MTTP: variants seen among roughly 807,000 people sequenced by gnomAD.
The protein encoded by MTTP is microsomal triglyceride transfer protein large subunit.
In MTTP, 49 loss-of-function variants were observed where a neutral mutation model predicts 90.6. The observed-to-expected ratio is 0.54, with a 90% CI of 0.43 to 0.69. The LOEUF is 0.69. Among genes scored for constraint, MTTP ranks in the 30% least tolerant of loss-of-function variants. The pLI is 0.00. For synonymous variants in MTTP, 347 were observed against 384.2 expected (o/e 0.90, Z 1.13); for missense variants, 945 against 1,067.5 (o/e 0.89, Z 1.60).
At chr4:99,606,484 A>G (rs1264977345) in intron 10 of MTTP, among the ~76,000 whole-genome samples, 1 of 152,206 alleles carries the variant, frequency 6.6e-6, no homozygotes, top group African/African-American at 2.4e-5. Context: ...ATATATTCAA[A>G]ATGTGTTCAA....
intron 17 of MTTP, among the ~76,000 whole-genome samples, 174 bp from the exon 18 acceptor site, chr4:99,622,503 T>A (rs1726261256): frequency 6.6e-6 from 1 of 152,174 alleles, no homozygotes; most frequent in Non-Finnish European, 1.5e-5. Flanking sequence ...TTTCTGTTGA[T>A]ATAAAAAGAA....
chr4:99,601,901 C>G (rs924439313), intron 10 of MTTP, among the ~76,000 whole-genome samples, 187 bp downstream of exon 10: 6 of 152,106 alleles, frequency 3.9e-5, no homozygotes, highest in Admixed American at 6.6e-5. Flanking sequence ...TTGTATATTT[C>G]TATTTCACTA....
intron 15 of MTTP, among the ~76,000 whole-genome samples, chr4:99,616,094 T>C (rs1374967062): frequency 6.6e-6 from 1 of 152,114 alleles, no homozygotes; most frequent in Non-Finnish European, 1.5e-5. Flanking sequence ...TGAATATTAG[T>C]AGAAAAGTCT....
rs1396865334 is a variant in MTTP at position 99,619,032 on chromosome 4, T to C, written c.2276T>C (p.Ile759Thr). Residue 759 changes from isoleucine to threonine, a missense_variant, in exon 16 of 18, where the codon ATT (isoleucine) becomes ACT (threonine). By Grantham distance (89) the Ile-to-Thr change is moderately conservative. Coordinates refer to ENST00000265517, the MANE Select transcript of MTTP (RefSeq NM_001386140.1). ...ANIEVQGGLA[I>T]DISGAMEFSL... is the part of the protein sequence containing the mutation. ...ATAGAGGTCCAGGGTGGTCTAGCTA[T>C]TGATATTTCAGGTGCAATGGAGTTT... 2 of 1,613,584 alleles carry C rather than the reference T, an allele frequency of 1.2e-6. No individual in the cohort carries two copies. Among genetic ancestry groups the C allele is most frequent in the Admixed American group, 3.3e-5 (2 of 59,996 alleles).
At position 99,613,160 on chromosome 4, in the gene MTTP, A is replaced by G; in HGVS notation, c.2217+20A>G. ...TCTCAGGTAATTCATTCAGTCTGTG[A>G]GTATTTATTGAGTCCCTAAAATACG... On this transcript the variant is annotated intron_variant, in intron 15 of 17. Coordinates refer to ENST00000265517, the MANE Select transcript of MTTP (RefSeq NM_001386140.1). The G allele has an allele frequency of 6.3e-7, 1 of 1,595,400 alleles. No homozygotes were observed. The highest frequency in any genetic ancestry group is 8.6e-7 in the Non-Finnish European group (1 of 1,165,570).
chr4:99,616,457 G>T (rs754314768), intron 15 of MTTP, among the ~76,000 whole-genome samples: 2 of 152,100 alleles, frequency 1.3e-5, no homozygotes, highest in Non-Finnish European at 2.9e-5. Flanking sequence ...GTTTATTCTG[G>T]CTTCATGTGT....
At chr4:99,567,727 C>T (rs143826480) in intron 1 of MTTP, among the ~76,000 whole-genome samples, 11 of 151,810 alleles carry the variant, frequency 7.2e-5, no homozygotes, top group African/African-American at 2.2e-4. Flanking sequence ...TAGGGGCCAA[C>T]AAAAAAGCAG....
intron 7 of MTTP, among the ~76,000 whole-genome samples, chr4:99,595,914 A>AT (rs1257497403): frequency 1.3e-5 from 2 of 152,000 alleles, no homozygotes; most frequent in African/African-American, 4.8e-5. Flanking sequence ...GCCATCTAAG[A>AT]TTTTTGATAA....
At chr4:99,580,597 A>AAAAAAAAAAAAAAAAAAAAAAAAAAAAT in intron 1 of MTTP, among the ~76,000 whole-genome samples, 1 of 150,112 alleles carries the variant, frequency 6.7e-6, no homozygotes, top group African/African-American at 2.5e-5. Context: ...AAAAAAAAAA[A>AAAAAAAAAAAAAAAAAAAAAAAAAAAAT]AAAGAATCAT....
upstream of MTTP, among the ~76,000 whole-genome samples, chr4:99,569,969 T>G (rs1724798212): frequency 6.6e-6 from 1 of 151,930 alleles, no homozygotes; most frequent in South Asian, 2.1e-4. Flanking sequence ...TAACCAAACA[T>G]GGTATCCAAA....
At chr4:99,598,015 A>G (rs1301024123) in intron 8 of MTTP, among the ~76,000 whole-genome samples, 1 of 152,222 alleles carries the variant, frequency 6.6e-6, no homozygotes, top group African/African-American at 2.4e-5. Flanking sequence ...ACACACACAC[A>G]CAGCAGTAGC....
chr4:99,591,222 C>T lies in MTTP; in HGVS notation c.502-13C>T. The stretch of plus-strand genomic sequence containing the variant: ...AGGAATCCCAAGCATTATGCCCTTG[C>T]CTTTCTTTTTAGGTAGATATCTCTG... On this transcript the variant is annotated splice_polypyrimidine_tract_variant and intron_variant, in intron 4 of 17. Transcript: ENST00000265517. 1 of 1,559,902 alleles carries T rather than the reference C, an allele frequency of 6.4e-7. No individual in the cohort carries two copies. Among genetic ancestry groups the T allele is most frequent in the Non-Finnish European group, 8.8e-7 (1 of 1,130,992 alleles).
chr4:99,596,204 T>G (rs1355834227), intron 7 of MTTP, among the ~76,000 whole-genome samples: 1 of 152,058 alleles, frequency 6.6e-6, no homozygotes, highest in Non-Finnish European at 1.5e-5. Flanking sequence ...AAAGGATCCA[T>G]TGCTTATTAA....
At chr4:99,581,295 G>C (rs1279182134) in intron 1 of MTTP, among the ~76,000 whole-genome samples, 2 of 152,144 alleles carry the variant, frequency 1.3e-5, no homozygotes, top group African/African-American at 4.8e-5. Context: ...CCTGTACTAA[G>C]ATTTCATATA....
At chr4:99,592,340 CT>C (rs1056275508) in intron 6 of MTTP, among the ~76,000 whole-genome samples, 9 of 152,116 alleles carry the variant, frequency 5.9e-5, no homozygotes, top group Non-Finnish European at 8.8e-5. Flanking sequence ...TTCTAAAAAA[CT>C]TTTTTCCTCC....
intron 1 of MTTP, among the ~76,000 whole-genome samples, chr4:99,566,302 A>G (rs997673947): frequency 3.7e-4 from 49 of 131,266 alleles, no homozygotes; most frequent in African/African-American, 1.3e-3. Context: ...AAAAAGAAAA[A>G]AAAAAAAAAA....
At chr4:99,572,950 T>C (rs894891638), upstream of MTTP, among the ~76,000 whole-genome samples, 1 of 152,150 alleles carries the variant, frequency 6.6e-6, no homozygotes, top group East Asian at 1.9e-4. Flanking sequence ...GAACATCTTA[T>C]GTTGAAATTG....
chr4:99,597,677 CTA>C (rs1467720338), intron 8 of MTTP, among the ~76,000 whole-genome samples: 2 of 152,122 alleles, frequency 1.3e-5, no homozygotes, highest in African/African-American at 2.4e-5. Flanking sequence ...CCAGTTGAAA[CTA>C]TGTTTTATGT....
chr4:99,583,687 T>A, intron 3 of MTTP, 170 bp downstream of exon 3: 1 of 805,484 alleles, frequency 1.2e-6, no homozygotes. Flanking sequence ...ACTGAATCAA[T>A]GCCCTGAGTT....
Sources: gnomAD v4.1 joint callset for allele counts (sites outside exome capture counted in the v4.1 genomes callset) on GRCh38, gnomAD v4.1.1 for gene constraint, MANE v1.5 for transcripts, NCBI Gene and HGNC (gene_info 2026-07-23, HGNC 2026-07-21) for gene names.